PTPRD: variants seen among roughly 807,000 people sequenced by gnomAD.
PTPRD encodes receptor-type tyrosine-protein phosphatase delta.
A neutral mutation model predicts 214.5 loss-of-function variants in PTPRD; 34 were observed. That is an observed-to-expected ratio of 0.16 (90% CI 0.12 to 0.21). PTPRD has a LOEUF of 0.21. Among genes scored for constraint, PTPRD ranks in the 10% least tolerant of loss-of-function variants. PTPRD has a pLI of 1.00. For synonymous variants in PTPRD, 1,128 were observed against 845.7 expected (o/e 1.33, Z -5.79); for missense variants, 2,545 against 2,398.7 (o/e 1.06, Z -1.27).
intron 7 of PTPRD, among the ~76,000 whole-genome samples, chr9:9,647,383 A>T (rs2096220701): frequency 6.7e-6 from 1 of 148,638 alleles, no homozygotes; most frequent in South Asian, 2.1e-4. Context: ...TTGTTTTTTT[A>T]TGCCTTGTAT....
At chr9:9,163,165 C>T (rs1240656450) in intron 10 of PTPRD, among the ~76,000 whole-genome samples, 8 of 152,092 alleles carry the variant, frequency 5.3e-5, no homozygotes, top group Non-Finnish European at 1.0e-4. Flanking sequence ...GTAAGTTTGT[C>T]CACTCCCAAA....
intron 5 of PTPRD, among the ~76,000 whole-genome samples, chr9:9,863,892 C>T (rs1600166427): frequency 6.6e-6 from 1 of 151,058 alleles, no homozygotes; most frequent in Admixed American, 6.6e-5. Context: ...TTGAACTATA[C>T]CTGATCCCTG....
chr9:8,584,039 T>C (rs923638195), intron 14 of PTPRD, among the ~76,000 whole-genome samples: 1 of 152,090 alleles, frequency 6.6e-6, no homozygotes, highest in African/African-American at 2.4e-5. Context: ...TTGTAGTCTC[T>C]GCTACTTGGG....
intron 3 of PTPRD, among the ~76,000 whole-genome samples, chr9:10,037,121 A>C (rs956036100): frequency 6.6e-6 from 1 of 150,580 alleles, no homozygotes; most frequent in Non-Finnish European, 1.5e-5. Flanking sequence ...GGACTCCTGG[A>C]CTCAAGCAGT....
At position 9,603,595 on chromosome 9, in the gene PTPRD, C is replaced by CTGTATAGGAGCTCAAACCCTATTG. The variant is rs552385836; in HGVS notation, c.-286-28838_-286-28815dup. Among the ~76,000 whole-genome samples the CTGTATAGGAGCTCAAACCCTATTG allele has an allele frequency of 1.4e-3, 206 of 152,232 alleles. 2 individuals are homozygous for CTGTATAGGAGCTCAAACCCTATTG. The highest frequency in any genetic ancestry group is 1.4e-3 in the Non-Finnish European group (98 of 68,030). On this transcript the variant is annotated intron_variant, in intron 7 of 45. Coordinates refer to ENST00000381196, the MANE Select transcript of PTPRD (RefSeq NM_002839.4). The stretch of plus-strand genomic sequence containing the variant: ...GTGCCATCAGCAGTGACATTAAAGT[C>CTGTATAGGAGCTCAAACCCTATTG]TGTATAGGAGCTCAAACCCTATTGT...
At chr9:8,412,227 C>T (rs764124283) in intron 35 of PTPRD, among the ~76,000 whole-genome samples, 6 of 152,084 alleles carry the variant, frequency 3.9e-5, no homozygotes, top group Non-Finnish European at 5.9e-5. Context: ...GGCAACACAG[C>T]AAGACCCAAT....
rs1035843000 is a variant in PTPRD at position 9,947,250 on chromosome 9, T to C, written c.-471-8640A>G. The stretch of plus-strand genomic sequence containing the variant: ...GGAATATAATGGTACATTTTAGATA[T>C]CCAAATTCTTTTCTAGTTATACTTA... On this transcript the variant is annotated intron_variant, in intron 4 of 45. Transcript: ENST00000381196. 5.6e-5 allele frequency among the ~76,000 whole-genome samples: 7 copies of C among 124,838 alleles called. No homozygotes were observed. In the East Asian group the frequency reaches 1.5e-3, roughly 28 times the overall value. 81.9% of individuals were successfully genotyped at this position (124,838 alleles called of 152,430 possible).
At position 9,885,270 on chromosome 9, in the gene PTPRD, CT is replaced by C. The variant is rs2070409914; in HGVS notation, c.-368+53236del. Among the ~76,000 whole-genome samples the C allele has an allele frequency of 7.2e-5, 11 of 151,824 alleles. No individual in the cohort carries two copies. The South Asian group carries it at 2.1e-3, about 29-fold the overall frequency. On this transcript the variant is annotated intron_variant, in intron 5 of 45. Coordinates refer to ENST00000381196, the MANE Select transcript of PTPRD (RefSeq NM_002839.4). Reference sequence around the variant, plus strand: ...TGAGAAGGAAGGGCCCAGAAGAGTCCTTTCAACAAGCAAAAGTTTCTCAAAG... The same window carrying C: ...TGAGAAGGAAGGGCCCAGAAGAGTCCTTCAACAAGCAAAAGTTTCTCAAAG...
At chr9:9,712,799 A>C (rs1216981513) in intron 7 of PTPRD, among the ~76,000 whole-genome samples, 1 of 152,202 alleles carries the variant, frequency 6.6e-6, no homozygotes, top group Admixed American at 6.5e-5. Context: ...AATGCCTTAA[A>C]AGTAGTTTAT....
At chr9:9,495,412 C>T (rs1041864429) in intron 8 of PTPRD, among the ~76,000 whole-genome samples, 1 of 151,948 alleles carries the variant, frequency 6.6e-6, no homozygotes, top group Admixed American at 6.6e-5. Context: ...CCCACTCTCT[C>T]CCAATTGGTT....
chr9:9,851,195 T>A (rs1418414114), intron 5 of PTPRD, among the ~76,000 whole-genome samples: 1 of 152,212 alleles, frequency 6.6e-6, no homozygotes. Context: ...ATAGAAATAA[T>A]ATAAGCAAAA....
chr9:10,509,081 T>A (rs1241802912), intron 2 of PTPRD, among the ~76,000 whole-genome samples: 1 of 152,086 alleles, frequency 6.6e-6, no homozygotes, highest in Non-Finnish European at 1.5e-5. Context: ...TATTTTTTCC[T>A]TTGTAATTAT....
chr9:10,387,294 T>A (rs2097934520), intron 2 of PTPRD, among the ~76,000 whole-genome samples: 1 of 151,908 alleles, frequency 6.6e-6, no homozygotes, highest in South Asian at 2.1e-4. Flanking sequence ...GTCTTTTCAG[T>A]GACATGAGCC....
chr9:10,378,346 G>T (rs1201118147), intron 2 of PTPRD, among the ~76,000 whole-genome samples: 1 of 151,914 alleles, frequency 6.6e-6, no homozygotes, highest in African/African-American at 2.4e-5. Context: ...TTTTTGCTTA[G>T]GTTATCTGGG....
At position 10,028,427 on chromosome 9, in the gene PTPRD, T is replaced by C. The variant is rs529074095; in HGVS notation, c.-472+5291A>G. ...TTCAGAACTGTGTAACAGGCAGAGG[T>C]TGCAACAGTTTGGAGGGCTCAGAAG... is the stretch of plus-strand genomic sequence containing the variant. On this transcript the variant is annotated intron_variant, in intron 4 of 45. Coordinates refer to ENST00000381196, the MANE Select transcript of PTPRD (RefSeq NM_002839.4). 2.0e-5 allele frequency among the ~76,000 whole-genome samples: 3 copies of C among 152,140 alleles called. No individual in the cohort carries two copies. The East Asian group carries it at 5.8e-4, about 29-fold the overall frequency.
At position 10,336,155 on chromosome 9, in the gene PTPRD, C is replaced by T. The variant is rs189590598; in HGVS notation, c.-545+4808G>A. ...AACTTCATACAGATGTTTCTAGCAGCTTTATTGATATGGTATGCTTCTAAT... is the reference window on the plus strand; with the variant it reads ...AACTTCATACAGATGTTTCTAGCAGTTTTATTGATATGGTATGCTTCTAAT... On this transcript the variant is annotated intron_variant, in intron 3 of 45. Transcript: ENST00000381196. Among the ~76,000 whole-genome samples, 87 of 151,836 alleles carry T rather than the reference C, an allele frequency of 5.7e-4. 1 individual carries two copies. The highest frequency in any genetic ancestry group is 1.0e-3 in the Non-Finnish European group (70 of 67,786).
At chr9:9,975,974 C>G (rs1432412305) in intron 4 of PTPRD, among the ~76,000 whole-genome samples, 1 of 152,168 alleles carries the variant, frequency 6.6e-6, no homozygotes, top group Non-Finnish European at 1.5e-5. Flanking sequence ...CAGTAGAAGG[C>G]ATTCCCTTCA....
intron 11 of PTPRD, among the ~76,000 whole-genome samples, chr9:8,856,991 C>A (rs1329166829): frequency 1.3e-5 from 2 of 152,152 alleles, no homozygotes; most frequent in Non-Finnish European, 1.5e-5. Flanking sequence ...TTTCTTACAA[C>A]TTTGACTCTT....
intron 34 of PTPRD, among the ~76,000 whole-genome samples, chr9:8,445,066 G>A (rs10977110): frequency 0.38 from 57,449 of 151,820 alleles, 11,426 homozygotes; most frequent in African/African-American, 0.5. Context: ...CCTCTACTAC[G>A]TCACCTCTCT....
Sources: gnomAD v4.1 joint callset for allele counts (sites outside exome capture counted in the v4.1 genomes callset) on GRCh38, gnomAD v4.1.1 for gene constraint, MANE v1.5 for transcripts, NCBI Gene and HGNC (gene_info 2026-07-23, HGNC 2026-07-21) for gene names.